The following MYH9 variants were observed in gnomAD, a reference collection of about 807,000 sequenced individuals.
MYH9 encodes the protein myosin heavy chain 9.
Under a neutral mutation model 241.9 loss-of-function variants are expected in MYH9, and 29 were observed. The ratio of observed to expected loss-of-function variants is 0.12; its 90% confidence interval spans 0.09 to 0.16. The LOEUF is 0.16. MYH9 is among the 10% of genes least tolerant of loss of function. MYH9 has a pLI of 1.00. For missense variants in MYH9, 1,803 were observed against 2,595.5 expected, an observed-to-expected ratio of 0.69 and a Z score of 6.63; for synonymous variants, 1,047 against 1,062.6, an observed-to-expected ratio of 0.99 and a Z score of 0.29.
chr22:36,296,777 G>A, intron 25 of MYH9, 66 bp downstream of exon 25: 1 of 1,513,532 alleles, frequency 6.6e-7, no homozygotes, highest in Non-Finnish European at 8.8e-7. Flanking sequence ...GAGAACTAGG[G>A]CCAGCAGCAA....
intron 11 of MYH9, 76 bp from the exon 12 acceptor site, chr22:36,316,745 T>C (rs2017159155): frequency 6.3e-7 from 1 of 1,582,558 alleles, no homozygotes; most frequent in South Asian, 1.1e-5. Context: ...CCCCAGTAAT[T>C]TCACTTTTAG....
At chr22:36,321,879 G>T in intron 6 of MYH9, 58 bp from the exon 7 acceptor site, 1 of 1,456,200 alleles carries the variant, frequency 6.9e-7, no homozygotes. Flanking sequence ...GAGCTAGAGA[G>T]CACGGGGGAG....
Position 36,285,287 on chromosome 22 carries a change from C to A in MYH9, c.5317G>T (p.Ala1773Ser), listed in dbSNP as rs190450967. 2 of 1,613,378 alleles carry A rather than the reference C, an allele frequency of 1.2e-6. No homozygotes were observed. Among genetic ancestry groups the A allele is most frequent in the East Asian group, 2.2e-5 (1 of 44,882 alleles). ...TGCCGAGCATTCTCGTTCTTCTGGGCGTGGCTGCGCTCCAGGTTCAGGTCG... is the reference window on the plus strand; with the variant it reads ...TGCCGAGCATTCTCGTTCTTCTGGGAGTGGCTGCGCTCCAGGTTCAGGTCG... ...NTDLNLERSHAQKNENARQQL... is the reference protein window; with the variant it reads ...NTDLNLERSHSQKNENARQQL... Residue 1773 changes from alanine (A) to serine (S), a missense_variant, in exon 38 of 41, where the codon GCC becomes TCC. Ala to Ser is a moderately conservative substitution (Grantham distance 99). Transcript: ENST00000216181. The surrounding 1 kb of genome is among the most constrained non-coding windows in gnomAD (Gnocchi z 7.0).
At position 36,305,235 on chromosome 22, in the gene MYH9, A is replaced by G; in HGVS notation, c.2160-133T>C. On this transcript the variant is annotated intron_variant, in intron 17 of 40. Transcript: ENST00000216181. The surrounding 1 kb of genome is among the most constrained non-coding windows in gnomAD (Gnocchi z 4.7). ...ATTCTTTACACAAACTCTCCTAAGG[A>G]AAGAAGACACAGGCAAATCCCACCC... The G allele has an allele frequency of 2.4e-6, 2 of 838,144 alleles. No individual in the cohort carries two copies. The highest frequency in any genetic ancestry group is 4.0e-6 in the Non-Finnish European group (2 of 504,204). 51.9% of individuals were successfully genotyped at this position (838,144 alleles called of 1,614,324 possible).
intron 2 of MYH9, 26 bp downstream of exon 2, chr22:36,348,878 T>C: frequency 7.6e-7 from 1 of 1,313,890 alleles, no homozygotes. Context: ...AGACCCAGCC[T>C]GCGGGGTGCC....
Position 36,294,970 on chromosome 22 carries a change from C to T in MYH9, c.3592G>A (p.Val1198Met), listed in dbSNP as rs200732002. The T allele has an allele frequency of 1.5e-5, 24 of 1,614,154 alleles. No individual in the cohort carries two copies. The highest frequency in any genetic ancestry group is 1.2e-4 in the Admixed American group (7 of 60,036). ...QEMRQKHSQA[V>M]EELAEQLEQT... ...TCCAGCTGCTCCGCCAGCTCCTCCACGGCCTGTGAGTGCTTCTGCCTCATC... is the reference window on the plus strand; with the variant it reads ...TCCAGCTGCTCCGCCAGCTCCTCCATGGCCTGTGAGTGCTTCTGCCTCATC... Residue 1198 changes from valine (V) to methionine (M), a missense_variant, in exon 27 of 41, where the codon GTG becomes ATG. By Grantham distance (21) the Val-to-Met change is conservative. This residue lies in a region of MYH9 where 876 missense variants were observed against 1,077.8 expected (regional missense o/e 0.81). Coordinates refer to ENST00000216181, the MANE Select transcript of MYH9 (RefSeq NM_002473.6).
chr22:36,340,603 G>A (rs905495732), intron 3 of MYH9, among the ~76,000 whole-genome samples: 3 of 151,646 alleles, frequency 2.0e-5, no homozygotes, highest in African/African-American at 7.3e-5. Context: ...GGAGGTTGCA[G>A]TGAGCCAAGA....
chr22:36,374,893 G>T (rs1180028684), intron 1 of MYH9, among the ~76,000 whole-genome samples: 1 of 152,110 alleles, frequency 6.6e-6, no homozygotes, highest in Non-Finnish European at 1.5e-5. Flanking sequence ...ACTGAACGAG[G>T]TCCCACCCCT....
At position 36,309,327 on chromosome 22, in the gene MYH9, G is replaced by A; in HGVS notation, c.1798C>T (p.Leu600Phe). 1 of 1,614,220 alleles carries A rather than the reference G, an allele frequency of 6.2e-7. No individual in the cohort carries two copies. The highest frequency in any genetic ancestry group is 8.5e-7 in the Non-Finnish European group (1 of 1,180,040). The change falls in exon 15 of 41, where the codon CTC becomes TTC. Residue 600 changes from leucine to phenylalanine, a missense_variant. By Grantham distance (22) the Leu-to-Phe change is conservative (BLOSUM62 0). This residue lies in a region of MYH9 where 163 missense variants were observed against 349.7 expected (regional missense o/e 0.47). Transcript: ENST00000216181. Reference protein sequence around the residue: ...DPLNDNIATLLHQSSDKFVSE... With the variant: ...DPLNDNIATLFHQSSDKFVSE... ...ACAAACTTGTCAGAGGACTGGTGGA[G>A]CAGTGTGGCGATGTTGTCATTCAGG...
intron 1 of MYH9, among the ~76,000 whole-genome samples, chr22:36,385,100 A>C (rs1351110187): frequency 6.6e-6 from 1 of 151,434 alleles, no homozygotes; most frequent in African/African-American, 2.4e-5. Context: ...CGACACACAG[A>C]TTTTGTTATT....
intron 7 of MYH9, among the ~76,000 whole-genome samples, chr22:36,321,263 T>C (rs1258116185): frequency 6.6e-6 from 1 of 152,188 alleles, no homozygotes; most frequent in African/African-American, 2.4e-5. Flanking sequence ...ATTGTCCTCT[T>C]ATTCTCGTCC....
Position 36,306,705 on chromosome 22 carries a change from A to G in MYH9, c.1844-98T>C. 8.3e-7 allele frequency: 1 copy of G among 1,203,436 alleles called. No homozygotes were observed. The highest frequency in any genetic ancestry group is 1.3e-5 in the South Asian group (1 of 78,052). The allele number at this position is 1,203,436 out of a possible 1,614,324, so 74.5% of individuals were successfully genotyped here. Reference sequence around the variant, plus strand: ...AGAGACAGGCACACGTCGGACAGGAAAAGAGGAGACAGAATGAAACAACAG... The same window carrying G: ...AGAGACAGGCACACGTCGGACAGGAGAAGAGGAGACAGAATGAAACAACAG... On this transcript the variant is annotated intron_variant, in intron 15 of 40. Transcript: ENST00000216181. The surrounding 1 kb of genome is among the most constrained non-coding windows in gnomAD (Gnocchi z 4.1).
chr22:36,305,984 C>T lies in MYH9; in HGVS notation c.2105G>A (p.Arg702His), dbSNP rs80338827. 6.2e-7 allele frequency: 1 copy of T among 1,613,386 alleles called. No individual in the cohort carries two copies. The highest frequency in any genetic ancestry group is 8.5e-7 in the Non-Finnish European group (1 of 1,180,030). Residue 702 changes from arginine to histidine, a missense_variant, in exon 17 of 41, where the codon CGT (arginine) becomes CAT (histidine). Arg to His is a conservative substitution (Grantham distance 29, BLOSUM62 0). Coordinates refer to ENST00000216181, the MANE Select transcript of MYH9 (RefSeq NM_002473.6). The surrounding 1 kb of genome is among the most constrained non-coding windows in gnomAD (Gnocchi z 4.7). ...LRCNGVLEGI[R>H]ICRQGFPNRV... ...GTTGGGGAAGCCCTGGCGGCAGATACGGATGCCCTCGAGAACACCGTTGCA... is the reference window on the plus strand; with the variant it reads ...GTTGGGGAAGCCCTGGCGGCAGATATGGATGCCCTCGAGAACACCGTTGCA...
intron 5 of MYH9, 152 bp downstream of exon 5, chr22:36,326,416 C>A: frequency 1.3e-6 from 1 of 798,232 alleles, no homozygotes; most frequent in Non-Finnish European, 2.2e-6. Context: ...GGACAGGCCA[C>A]GCCACTGCCT....
rs1462328378 is a variant in MYH9, at chr22:36,293,896, G to T, written c.3838-33C>A. ...GGGCGGGGAGACACAAAGGACCATGGACCCACCCCCACTGCTCCTGCCCCA... is the reference window on the plus strand; with the variant it reads ...GGGCGGGGAGACACAAAGGACCATGTACCCACCCCCACTGCTCCTGCCCCA... On this transcript the variant is annotated intron_variant, in intron 28 of 40. Coordinates refer to ENST00000216181, the MANE Select transcript of MYH9 (RefSeq NM_002473.6). This position sits in a 1 kb window ranked among gnomAD's most constrained non-coding sequence, Gnocchi z 5.1. 6.3e-7 allele frequency: 1 copy of T among 1,589,604 alleles called. No individual in the cohort carries two copies. The highest frequency in any genetic ancestry group is 1.1e-5 in the South Asian group (1 of 89,558).
chr22:36,365,393 G>A (rs1943865032), intron 1 of MYH9, among the ~76,000 whole-genome samples: 1 of 152,202 alleles, frequency 6.6e-6, no homozygotes, highest in Non-Finnish European at 1.5e-5. Flanking sequence ...ACCACCCTAA[G>A]TCAGGGCTGC....
In MYH9 at chr22:36,293,980, G is replaced by C. The variant is rs2071730; in HGVS notation, c.3837+112C>G. ...CACAAGCTGAACCATGAGGGTCTGA[G>C]GAGCCAGTTTGAGAAGAGAGAGAGA... is the stretch of plus-strand genomic sequence containing the variant. On this transcript the variant is annotated intron_variant, in intron 28 of 40. Coordinates refer to ENST00000216181, the MANE Select transcript of MYH9 (RefSeq NM_002473.6). This position sits in a 1 kb window ranked among gnomAD's most constrained non-coding sequence, Gnocchi z 5.1. The C allele has an allele frequency of 0.85, 1,252,136 of 1,475,702 alleles. 542,953 individuals carry two copies. The highest frequency in any genetic ancestry group is 0.9 in the Admixed American group (49,498 of 55,068). The allele number at this position is 1,475,702 out of a possible 1,614,324, so 91.4% of individuals were successfully genotyped here. A position where few individuals can be genotyped will look rare whatever the true frequency, so the allele number is the denominator to read the frequency against.
At chr22:36,367,603 G>T (rs1386312229) in intron 1 of MYH9, among the ~76,000 whole-genome samples, 1 of 152,198 alleles carries the variant, frequency 6.6e-6, no homozygotes, top group Non-Finnish European at 1.5e-5. Flanking sequence ...TGTCTGAAAG[G>T]CTGGCCAACC....
At chr22:36,310,138 TACAGGGCTGTAATCTCAGCCCCTA>T (rs1245386513) in intron 14 of MYH9, among the ~76,000 whole-genome samples, 1 of 152,006 alleles carries the variant, frequency 6.6e-6, no homozygotes, top group Non-Finnish European at 1.5e-5. Context: ...TAATCCCAGC[TACAGGGCTGTAATCTCAGCCCCTA>T]GGGGGGCTGA....
Sources: gnomAD v4.1 joint callset for allele counts (sites outside exome capture counted in the v4.1 genomes callset) on GRCh38, gnomAD v4.1.1 for gene constraint, gnomAD v4.1.1 regional missense constraint, Gnocchi (gnomAD v3.1) non-coding constraint, MANE v1.5 for transcripts, NCBI Gene and HGNC (gene_info 2026-07-23, HGNC 2026-07-21) for gene names.